Variants in C6orf62 observed in about 807,000 individuals in gnomAD.
C6orf62 encodes the protein uncharacterized protein C6orf62.
A neutral mutation model predicts 26.8 loss-of-function variants in C6orf62; 16 were observed. The observed-to-expected ratio is 0.60, with a 90% CI of 0.40 to 0.91. C6orf62 has a LOEUF of 0.91. Among genes scored for constraint, C6orf62 ranks in the 40% least tolerant of loss-of-function variants. The pLI is 0.00. For missense variants in C6orf62, 192 were observed against 271.4 expected, an observed-to-expected ratio of 0.71 and a Z score of 2.06; for synonymous variants, 112 against 91.5, an observed-to-expected ratio of 1.22 and a Z score of -1.28.
At chr6:24,717,356 T>C (rs1779255350) in intron 1 of C6orf62, among the ~76,000 whole-genome samples, 2 of 152,220 alleles carry the variant, frequency 1.3e-5, no homozygotes, top group African/African-American at 4.8e-5. Context: ...TTGAGTCAGC[T>C]TGTCAACAAA....
intron 3 of C6orf62, chr6:24,709,241 C>T (rs1293765886): frequency 1.0e-5 from 10 of 985,178 alleles, no homozygotes; most frequent in Non-Finnish European, 1.2e-5. Context: ...CACTCCACAA[C>T]AGCAGTTGAT....
chr6:24,718,429 CT>C lies in C6orf62; in HGVS notation c.129+110del, dbSNP rs997822972. 263 of 1,139,542 alleles carry C rather than the reference CT, an allele frequency of 2.3e-4. 1 individual carries two copies. Among genetic ancestry groups the C allele is most frequent in the Middle Eastern group, 1.4e-3 (5 of 3,460 alleles). The allele number at this position is 1,139,542 out of a possible 1,614,324, so 70.6% of individuals were successfully genotyped here. A position where few individuals can be genotyped will look rare whatever the true frequency, so the allele number is the denominator to read the frequency against. ...GAAAAAACAGAGCATACAAAGCAGA[CT>C]TTTTTTCAACCACTCTTTAACCTAA... is the stretch of plus-strand genomic sequence containing the variant. On this transcript the variant is annotated intron_variant, in intron 1 of 4. Transcript: ENST00000378119.
chr6:24,705,390 G>A lies in C6orf62; in HGVS notation c.*747C>T, dbSNP rs1020329706. 6.6e-6 allele frequency: 1 copy of A among 152,582 alleles called. No individual in the cohort carries two copies. The highest frequency in any genetic ancestry group is 1.5e-5 in the Non-Finnish European group (1 of 68,034). 9.5% of individuals were successfully genotyped at this position (152,582 alleles called of 1,614,324 possible). A position where few individuals can be genotyped will look rare whatever the true frequency, so the allele number is the denominator to read the frequency against. ...TATCATGGTTTCTGCAGCTATGCAT[G>A]TATTTCTGTTTTATAGCTGCTTTAT... On this transcript the variant is annotated 3_prime_UTR_variant, in exon 5 of 5. Coordinates refer to ENST00000378119, the MANE Select transcript of C6orf62 (RefSeq NM_030939.5).
In C6orf62 at chr6:24,716,311, GCTGA is replaced by G; in HGVS notation, c.139_142del (p.Ser47HisfsTer12). 2 of 1,613,100 alleles carry G rather than the reference GCTGA, an allele frequency of 1.2e-6. No individual in the cohort carries two copies. Among genetic ancestry groups the G allele is most frequent in the Non-Finnish European group, 1.7e-6 (2 of 1,179,294 alleles). On this transcript the variant is annotated frameshift_variant, in exon 2 of 5. Transcript: ENST00000378119. LOFTEE classifies it high-confidence loss of function. ...TATAACCTCAGACACTTCAAAAAGTGCTGACTTTTTCTTCTAGAAGAAAAGAAAA... is the reference window on the plus strand; with the variant it reads ...TATAACCTCAGACACTTCAAAAAGTGCTTTTTCTTCTAGAAGAAAAGAAAA...
At chr6:24,712,723 A>G (rs945412984) in intron 3 of C6orf62, among the ~76,000 whole-genome samples, 4 of 150,794 alleles carry the variant, frequency 2.7e-5, no homozygotes, top group African/African-American at 7.3e-5. Flanking sequence ...TGAAACTAGT[A>G]CAGTCAACTC....
At chr6:24,706,812 G>A (rs1483466719) in intron 4 of C6orf62, 2 of 153,736 alleles carry the variant, frequency 1.3e-5, no homozygotes, top group Non-Finnish European at 2.9e-5. Context: ...TCGGGAAGCT[G>A]AGGTGGATAA....
intron 3 of C6orf62, among the ~76,000 whole-genome samples, chr6:24,714,001 TGTG>T (rs1327221436): frequency 3.9e-5 from 6 of 152,358 alleles, no homozygotes; most frequent in African/African-American, 1.4e-4. Flanking sequence ...TAGAAGGATG[TGTG>T]GTGAAGGCTT....
chr6:24,720,135 G>C, upstream of C6orf62: 1 of 1,392,274 alleles, frequency 7.2e-7, no homozygotes, highest in African/African-American at 1.5e-5. Context: ...CCGAGGGGCA[G>C]GGGGTGGAAT....
intron 1 of C6orf62, 89 bp downstream of exon 1, chr6:24,718,451 C>A: frequency 7.7e-7 from 1 of 1,299,358 alleles, no homozygotes; most frequent in South Asian, 1.4e-5. Flanking sequence ...CACTCTTTAA[C>A]CTAATATTCA....
chr6:24,718,257 T>C (rs770106786), intron 1 of C6orf62, among the ~76,000 whole-genome samples: 11 of 152,204 alleles, frequency 7.2e-5, no homozygotes, highest in Non-Finnish European at 1.5e-4. Flanking sequence ...TAACTCCATA[T>C]AAAATTTTGT....
At chr6:24,720,297 C>G, upstream of C6orf62, 10 of 1,285,136 alleles carry the variant, frequency 7.8e-6, no homozygotes, top group South Asian at 9.7e-5. Context: ...GCGGCGGCGG[C>G]GGGGGCGCTG....
chr6:24,708,255 TA>T (rs10700028), intron 4 of C6orf62, among the ~76,000 whole-genome samples: 127 of 145,990 alleles, frequency 8.7e-4, no homozygotes, highest in East Asian at 1.2e-3. Context: ...TTTTCCCGTT[TA>T]AAAAAAAAAA....
At chr6:24,713,377 T>C (rs574430594) in intron 3 of C6orf62, among the ~76,000 whole-genome samples, 4 of 152,338 alleles carry the variant, frequency 2.6e-5, no homozygotes, top group South Asian at 2.1e-4. Context: ...TTAGAGCTTA[T>C]GTGTAGCAAC....
intron 3 of C6orf62, chr6:24,709,152 TGAC>T (rs1779071798): frequency 2.1e-6 from 2 of 967,320 alleles, no homozygotes; most frequent in South Asian, 4.8e-5. Flanking sequence ...AACGGTCACA[TGAC>T]TACTGGCCAC....
rs773024231 is a variant in C6orf62, at chr6:24,708,815, G to C, written c.526C>G (p.Gln176Glu). ...KTGIVVNNPN[Q>E]SVFLFIDRQH... is the part of the protein sequence containing the mutation. ...CTGTCAATGAAGAGAAACACTGACT[G>C]GTTAGGATTGTTGACAACGATTCCA... Residue 176 changes from glutamine to glutamate, a missense_variant, in exon 4 of 5, where the codon CAG becomes GAG. Physicochemically the swap from Gln to Glu is conservative, Grantham distance 29 (BLOSUM62 2). Coordinates refer to ENST00000378119, the MANE Select transcript of C6orf62 (RefSeq NM_030939.5). 3 of 1,614,180 alleles carry C rather than the reference G, an allele frequency of 1.9e-6. No individual in the cohort carries two copies. The highest frequency in any genetic ancestry group is 1.7e-5 in the Admixed American group (1 of 60,016).
In C6orf62 at chr6:24,715,828, G is replaced by A. The variant is rs1206459767; in HGVS notation, c.306+320C>T. ...CATGCCACTGCACTCTAGCCTCAGC[G>A]AAAGAGCAAGACTTTGTCTCAAAAA... is the stretch of plus-strand genomic sequence containing the variant. On this transcript the variant is annotated intron_variant, in intron 2 of 4. Transcript: ENST00000378119. Among the ~76,000 whole-genome samples, 3 of 110,854 alleles carry A rather than the reference G, an allele frequency of 2.7e-5. No homozygotes were observed. The Admixed American group carries it at 4.0e-4, about 15-fold the overall frequency. 72.7% of individuals were successfully genotyped at this position (110,854 alleles called of 152,430 possible). A position where few individuals can be genotyped will look rare whatever the true frequency, so the allele number is the denominator to read the frequency against.
In C6orf62 at chr6:24,714,456, A is replaced by AG. The variant is rs748667219; in HGVS notation, c.307-17_307-16insC. 6.5e-7 allele frequency: 1 copy of AG among 1,545,470 alleles called. No individual in the cohort carries two copies. The highest frequency in any genetic ancestry group is 1.2e-5 in the South Asian group (1 of 81,386). ...CAATTACATCCTATAAAATGATTAA[A>AG]AAAAAAAAAGTTTACTTTTAAAGAA... On this transcript the variant is annotated splice_polypyrimidine_tract_variant and intron_variant, in intron 2 of 4. Coordinates refer to ENST00000378119, the MANE Select transcript of C6orf62 (RefSeq NM_030939.5).
chr6:24,706,240 A>G lies in C6orf62; in HGVS notation c.587T>C (p.Ile196Thr). The G allele has an allele frequency of 1.2e-6, 2 of 1,614,182 alleles. No individual in the cohort carries two copies. ...GAGGCAGATGCTGCATAACTTGAAGATTGTAGCTTTGTTTTTTGGAGTCTG... is the reference window on the plus strand; with the variant it reads ...GAGGCAGATGCTGCATAACTTGAAGGTTGTAGCTTTGTTTTTTGGAGTCTG... The part of the protein sequence containing the change: ...HLQTPKNKAT[I>T]FKLCSICLYL... Residue 196 changes from isoleucine (I) to threonine (T), a missense_variant, in exon 5 of 5, where the codon ATC becomes ACC. Coordinates refer to ENST00000378119, the MANE Select transcript of C6orf62 (RefSeq NM_030939.5).
upstream of C6orf62, chr6:24,720,453 G>C: frequency 9.4e-7 from 1 of 1,059,664 alleles, no homozygotes; most frequent in Non-Finnish European, 1.2e-6. Flanking sequence ...CTGGCTCGGC[G>C]CCCTGGGCGG....
Sources: allele counts gnomAD v4.1 joint callset (sites outside exome capture counted in the v4.1 genomes callset), GRCh38; gene constraint gnomAD v4.1.1; transcripts MANE v1.5; gene names NCBI Gene and HGNC (gene_info 2026-07-23, HGNC 2026-07-21).